EXOC6B: variants seen among roughly 807,000 people sequenced by gnomAD.
The protein encoded by EXOC6B is SEC15 homolog B.
EXOC6B carries 54 observed loss-of-function variants against 113.5 expected under a neutral mutation model. The ratio of observed to expected loss-of-function variants is 0.48; its 90% CI spans 0.38 to 0.60. The LOEUF (loss-of-function observed/expected upper bound fraction) is 0.60. Among genes scored for constraint, EXOC6B ranks in the 20% least tolerant of loss-of-function variants. The probability of loss-of-function intolerance (pLI) is 0.00; values close to 1 mark genes in which losing one functional copy is unlikely to be tolerated. For missense variants in EXOC6B, 797 were observed against 977.5 expected (o/e 0.82, Z 2.46); for synonymous variants, 357 against 339.0 (o/e 1.05, Z -0.58).
chr2:72,498,109 A>G (rs547509908), intron 13 of EXOC6B, among the ~76,000 whole-genome samples: 1 of 152,308 alleles, frequency 6.6e-6, no homozygotes, highest in Non-Finnish European at 1.5e-5. Flanking sequence ...ACTAGGCATG[A>G]ACCTCAAAAT....
At chr2:72,530,139 T>G (rs1009062860) in intron 8 of EXOC6B, among the ~76,000 whole-genome samples, 2 of 152,176 alleles carry the variant, frequency 1.3e-5, no homozygotes, top group African/African-American at 4.8e-5. Context: ...TGATTTTGGC[T>G]CTTATTATTC....
intron 16 of EXOC6B, among the ~76,000 whole-genome samples, chr2:72,484,863 G>T (rs1558718436): frequency 1.3e-5 from 2 of 152,128 alleles, no homozygotes; most frequent in Non-Finnish European, 2.9e-5. Context: ...ATGGGCATTT[G>T]GGTTGGTGAC....
chr2:72,442,220 C>T (rs1359578147), intron 18 of EXOC6B, among the ~76,000 whole-genome samples: 1 of 152,092 alleles, frequency 6.6e-6, no homozygotes, highest in Non-Finnish European at 1.5e-5. Flanking sequence ...GTTAAAAACT[C>T]TCAATAAACT....
At chr2:72,634,180 C>CT (rs986025461) in intron 6 of EXOC6B, among the ~76,000 whole-genome samples, 3 of 152,150 alleles carry the variant, frequency 2.0e-5, no homozygotes, top group Non-Finnish European at 4.4e-5. Context: ...ATACAGGCAG[C>CT]TTTCATGTTG....
At chr2:72,757,421 C>T (rs1682488368) in intron 1 of EXOC6B, among the ~76,000 whole-genome samples, 2 of 152,182 alleles carry the variant, frequency 1.3e-5, no homozygotes, top group African/African-American at 4.8e-5. Context: ...ACAGGAATTT[C>T]CTCTGGCCTA....
chr2:72,655,911 TG>T (rs1674542393), intron 6 of EXOC6B, among the ~76,000 whole-genome samples: 1 of 152,092 alleles, frequency 6.6e-6, no homozygotes, highest in Admixed American at 6.5e-5. Flanking sequence ...TCAGAATAAA[TG>T]AAGTTACAGA....
chr2:72,497,750 CA>C (rs1440652265), intron 13 of EXOC6B, among the ~76,000 whole-genome samples: 2 of 151,944 alleles, frequency 1.3e-5, no homozygotes, highest in African/African-American at 4.8e-5. Flanking sequence ...ACAAACTGAT[CA>C]GGGAAAGGGG....
chr2:72,780,644 A>C (rs1158474036), intron 1 of EXOC6B, among the ~76,000 whole-genome samples: 1 of 152,194 alleles, frequency 6.6e-6, no homozygotes, highest in Non-Finnish European at 1.5e-5. Flanking sequence ...CATGGAGTAG[A>C]ACCTAATTCT....
At chr2:72,516,957 T>C (rs192593055) in intron 8 of EXOC6B, among the ~76,000 whole-genome samples, 10 of 152,356 alleles carry the variant, frequency 6.6e-5, no homozygotes, top group Non-Finnish European at 1.3e-4. Context: ...TTAGTTTTCC[T>C]CTGCCTTCCT....
chr2:72,603,516 G>A (rs571010969), intron 6 of EXOC6B, among the ~76,000 whole-genome samples: 16 of 152,180 alleles, frequency 1.1e-4, no homozygotes, highest in African/African-American at 3.6e-4. Flanking sequence ...AAAGCAGGAG[G>A]GAACAGAGCA....
chr2:72,453,833 C>T (rs569642394), intron 18 of EXOC6B, among the ~76,000 whole-genome samples: 1 of 152,260 alleles, frequency 6.6e-6, no homozygotes, highest in South Asian at 2.1e-4. Flanking sequence ...TCTCACTCTC[C>T]TATGAAGAAA....
chr2:72,766,300 G>T (rs78936879), intron 1 of EXOC6B, among the ~76,000 whole-genome samples: 4 of 152,132 alleles, frequency 2.6e-5, no homozygotes, highest in Admixed American at 2.6e-4. Context: ...GGGAGCAGAG[G>T]GGAGGGACCT....
intron 6 of EXOC6B, among the ~76,000 whole-genome samples, chr2:72,659,960 C>A (rs756406858): frequency 1.3e-5 from 2 of 152,042 alleles, no homozygotes; most frequent in Admixed American, 1.3e-4. Context: ...GTCAAGCAAT[C>A]CAAAAACAGC....
At chr2:72,589,694 T>G (rs1413455863) in intron 6 of EXOC6B, among the ~76,000 whole-genome samples, 4 of 151,954 alleles carry the variant, frequency 2.6e-5, no homozygotes, top group Non-Finnish European at 5.9e-5. Flanking sequence ...TCTAAAAGGT[T>G]GTTGTGAGTG....
chr2:72,560,493 A>C lies in EXOC6B; in HGVS notation c.847-972T>G, dbSNP rs572238370. 4.6e-5 allele frequency among the ~76,000 whole-genome samples: 7 copies of C among 152,228 alleles called. No homozygotes were observed. The South Asian group carries it at 1.5e-3, about 32-fold the overall frequency. Reference sequence around the variant, plus strand: ...TGGGTAGGGCTGATTCATAATTACAAGGTCATTTTCCCTTATTTCATAAAG... The same window carrying C: ...TGGGTAGGGCTGATTCATAATTACACGGTCATTTTCCCTTATTTCATAAAG... On this transcript the variant is annotated intron_variant, in intron 7 of 21. Transcript: ENST00000272427.
intron 6 of EXOC6B, among the ~76,000 whole-genome samples, chr2:72,626,891 T>C (rs924152150): frequency 4.6e-5 from 7 of 152,174 alleles, no homozygotes; most frequent in Non-Finnish European, 8.8e-5. Context: ...GGCTAAAGAT[T>C]GATCCCTGCT....
At position 72,687,057 on chromosome 2, in the gene EXOC6B, G is replaced by A. The variant is rs565836066; in HGVS notation, c.669+31046C>T. Among the ~76,000 whole-genome samples the A allele has an allele frequency of 2.5e-4, 38 of 151,490 alleles. No individual in the cohort carries two copies. The East Asian group carries it at 7.0e-3, about 28-fold the overall frequency. ...GGAGGCTGAGGCAGGAGAATTGCTT[G>A]AACCTGGAAGGCAGAGGTTGCACTG... On this transcript the variant is annotated intron_variant, in intron 6 of 21. Coordinates refer to ENST00000272427, the MANE Select transcript of EXOC6B (RefSeq NM_015189.3).
chr2:72,392,817 T>C lies in EXOC6B; in HGVS notation c.1981-12947A>G, dbSNP rs115492438. Among the ~76,000 whole-genome samples the C allele has an allele frequency of 4.9e-3, 744 of 152,270 alleles. 9 individuals carry two copies. Among genetic ancestry groups the C allele is most frequent in the African/African-American group, 0.017 (690 of 41,560 alleles). On this transcript the variant is annotated intron_variant, in intron 18 of 21. Transcript: ENST00000272427. ...AATGGGTCCACATTAGTTTTGCCCT[T>C]ACTCTGAAAGGACCTTATACTTAAT...
rs139178865 is a variant in EXOC6B at position 72,264,736 on chromosome 2, G to C, written c.2196+70211C>G. On this transcript the variant is annotated intron_variant, in intron 20 of 21. Transcript: ENST00000272427. ...TTCCCCACGCTGTTCTCATGATAATGAGTGAGTCTCACGAGATCTGATGGT... is the reference window on the plus strand; with the variant it reads ...TTCCCCACGCTGTTCTCATGATAATCAGTGAGTCTCACGAGATCTGATGGT... Among the ~76,000 whole-genome samples, 698 of 152,016 alleles carry C rather than the reference G, an allele frequency of 4.6e-3. 7 individuals carry two copies. The highest frequency in any genetic ancestry group is 0.016 in the African/African-American group (646 of 41,468).
Sources: gnomAD v4.1 joint callset for allele counts (sites outside exome capture counted in the v4.1 genomes callset) on GRCh38, gnomAD v4.1.1 for gene constraint, MANE v1.5 for transcripts, NCBI Gene and HGNC (gene_info 2026-07-23, HGNC 2026-07-21) for gene names.